PDE7B: variants seen among roughly 807,000 people sequenced by gnomAD.
The protein encoded by PDE7B is phosphodiesterase 7B.
A neutral mutation model predicts 56.2 loss-of-function variants in PDE7B; 29 were observed. That is an observed-to-expected ratio of 0.52 (90% confidence interval 0.38 to 0.70). PDE7B has a LOEUF of 0.70. Ranked by LOEUF, PDE7B falls within the 30% of genes least tolerant of loss-of-function variation. The pLI is 0.00. For synonymous variants in PDE7B, 197 were observed against 196.9 expected (o/e 1.00, Z 0.00); for missense variants, 490 against 565.0 (o/e 0.87, Z 1.35).
chr6:135,908,776 G>A (rs1430305090), intron 1 of PDE7B, among the ~76,000 whole-genome samples: 1 of 152,138 alleles, frequency 6.6e-6, no homozygotes, highest in Non-Finnish European at 1.5e-5. Flanking sequence ...ATAATATGCT[G>A]CTTGGGGAAT....
At chr6:136,133,083 C>G (rs938275682) in intron 3 of PDE7B, among the ~76,000 whole-genome samples, 4 of 152,098 alleles carry the variant, frequency 2.6e-5, no homozygotes, top group African/African-American at 9.7e-5. Flanking sequence ...AAATATAATT[C>G]AAGCAGCCTT....
Position 136,191,814 on chromosome 6 carries a change from G to T in PDE7B, c.1327G>T (p.Glu443Ter), listed in dbSNP as rs1212136141. The part of the protein sequence containing the change: ...HDHAGQGTES[E>*]EQEGDSP ...CCACGCAGGCCAAGGGACTGAGAGCGAGGAGCAGGAAGGCGACAGCCCCTA... is the reference window on the plus strand; with the variant it reads ...CCACGCAGGCCAAGGGACTGAGAGCTAGGAGCAGGAAGGCGACAGCCCCTA... The change falls in exon 13 of 13, where the codon GAG (glutamate) becomes TAG (stop). Residue 443 changes from glutamate (E) to a stop codon, truncating the protein, a stop_gained. Transcript: ENST00000308191. LOFTEE classifies it high-confidence loss of function. 1 of 1,554,608 alleles carries T rather than the reference G, an allele frequency of 6.4e-7. No homozygotes were observed. Among genetic ancestry groups the T allele is most frequent in the African/African-American group, 1.4e-5 (1 of 73,162 alleles).
intron 1 of PDE7B, among the ~76,000 whole-genome samples, chr6:135,940,494 C>T (rs1774489844): frequency 6.6e-6 from 1 of 152,232 alleles, no homozygotes; most frequent in Non-Finnish European, 1.5e-5. Context: ...TATTCATTCA[C>T]TCACTTGATA....
chr6:135,977,135 A>G (rs1009210029), intron 2 of PDE7B, among the ~76,000 whole-genome samples: 1 of 152,122 alleles, frequency 6.6e-6, no homozygotes, highest in Non-Finnish European at 1.5e-5. Flanking sequence ...AACAATCTAT[A>G]TCATCTGGTC....
chr6:136,037,200 C>A (rs1776337220), intron 2 of PDE7B, among the ~76,000 whole-genome samples: 1 of 152,210 alleles, frequency 6.6e-6, no homozygotes, highest in South Asian at 2.1e-4. Context: ...TGTGAACATC[C>A]TTTAAAATGC....
intron 2 of PDE7B, among the ~76,000 whole-genome samples, chr6:136,031,556 G>A (rs1038438376): frequency 2.0e-5 from 3 of 151,676 alleles, no homozygotes; most frequent in Non-Finnish European, 2.9e-5. Flanking sequence ...CGGCTAAAAC[G>A]GTGAAACCCC....
intron 8 of PDE7B, among the ~76,000 whole-genome samples, chr6:136,160,878 A>C (rs1778692168): frequency 6.6e-6 from 1 of 152,206 alleles, no homozygotes; most frequent in Non-Finnish European, 1.5e-5. Flanking sequence ...TGCTAGGTGC[A>C]GGAGTATAGA....
chr6:136,038,251 C>T (rs1396659795), intron 2 of PDE7B: 2 of 1,299,886 alleles, frequency 1.5e-6, no homozygotes, highest in Non-Finnish European at 2.0e-6. Context: ...GCAGCAGCAC[C>T]ACCACCACCA....
intron 11 of PDE7B, among the ~76,000 whole-genome samples, chr6:136,183,595 CAA>C (rs59123124): frequency 0.23 from 15,432 of 65,924 alleles, 3,041 homozygotes; most frequent in African/African-American, 0.56. Flanking sequence ...GACTCTGTCT[CAA>C]AAAAAAAAAA....
intron 8 of PDE7B, among the ~76,000 whole-genome samples, chr6:136,162,645 A>C (rs1406587829): frequency 1.3e-5 from 2 of 152,150 alleles, no homozygotes; most frequent in Non-Finnish European, 2.9e-5. Flanking sequence ...TTAACCCAAA[A>C]GTCCAAGTCC....
intron 2 of PDE7B, among the ~76,000 whole-genome samples, chr6:136,108,445 A>T (rs1001582842): frequency 1.3e-5 from 2 of 152,154 alleles, no homozygotes; most frequent in African/African-American, 4.8e-5. Context: ...TGGCCCTGGG[A>T]AGCATAAAAA....
At chr6:135,969,177 T>G (rs1736629355) in intron 2 of PDE7B, among the ~76,000 whole-genome samples, 1 of 152,046 alleles carries the variant, frequency 6.6e-6, no homozygotes, top group Non-Finnish European at 1.5e-5. Flanking sequence ...AGGGAGATCA[T>G]CAGGATAAAC....
chr6:136,040,391 T>A (rs1776393410), intron 2 of PDE7B, among the ~76,000 whole-genome samples: 1 of 152,186 alleles, frequency 6.6e-6, no homozygotes, highest in African/African-American at 2.4e-5. Context: ...CAGCAGCAGG[T>A]CATAGGATGC....
chr6:136,025,470 A>T (rs1776135809), intron 2 of PDE7B, among the ~76,000 whole-genome samples: 1 of 152,194 alleles, frequency 6.6e-6, no homozygotes, highest in Admixed American at 6.5e-5. Flanking sequence ...TTATTAATAA[A>T]TTATTATTAG....
At chr6:136,022,914 C>T (rs927683797) in intron 2 of PDE7B, among the ~76,000 whole-genome samples, 1 of 151,816 alleles carries the variant, frequency 6.6e-6, no homozygotes, top group African/African-American at 2.4e-5. Context: ...AACTACAAAG[C>T]AATGTTTCTA....
intron 8 of PDE7B, among the ~76,000 whole-genome samples, chr6:136,161,404 A>C (rs912679358): frequency 5.3e-5 from 8 of 152,206 alleles, no homozygotes; most frequent in Non-Finnish European, 8.8e-5. Flanking sequence ...TGTCCAGGGA[A>C]TATTTAATAG....
At chr6:136,153,449 T>C (rs1778554730) in intron 6 of PDE7B, among the ~76,000 whole-genome samples, 1 of 152,218 alleles carries the variant, frequency 6.6e-6, no homozygotes, top group African/African-American at 2.4e-5. Context: ...CCTGTGTCTC[T>C]ACTTGGTTCC....
At chr6:135,881,221 G>A (rs1775603950) in intron 1 of PDE7B, among the ~76,000 whole-genome samples, 1 of 152,084 alleles carries the variant, frequency 6.6e-6, no homozygotes, top group South Asian at 2.1e-4. Flanking sequence ...TAAGGGGCCA[G>A]GCACGGTGGC....
Position 136,108,735 on chromosome 6 carries a change from T to C in PDE7B, c.87T>C (p.Asp29=), listed in dbSNP as rs1348466293. 2.5e-6 allele frequency: 4 copies of C among 1,602,352 alleles called. No individual in the cohort carries two copies. Among genetic ancestry groups the C allele is most frequent in the African/African-American group, 1.3e-5 (1 of 74,684 alleles). Reference sequence around the variant, plus strand: ...TTTGGATTTTCTGTTTTCTAGGAGATATACGACTAAGGGGTCAGACGGGGG... The same window carrying C: ...TTTGGATTTTCTGTTTTCTAGGAGACATACGACTAAGGGGTCAGACGGGGG... ...QNAKCVCMLG[D]IRLRGQTGVR... Residue 29 remains aspartate (D), a synonymous_variant, in exon 3 of 13, where the codon GAT becomes GAC. Transcript: ENST00000308191.
Sources: gnomAD v4.1 joint callset for allele counts (sites outside exome capture counted in the v4.1 genomes callset) on GRCh38, gnomAD v4.1.1 for gene constraint, MANE v1.5 for transcripts, NCBI Gene and HGNC (gene_info 2026-07-23, HGNC 2026-07-21) for gene names.